Variants in CATSPERD observed in about 807,000 individuals in gnomAD.
The protein encoded by CATSPERD is catsper channel auxiliary subunit delta, also known as cation channel sperm-associated auxiliary subunit delta.
Under a neutral mutation model 98.1 loss-of-function variants are expected in CATSPERD, and 86 were observed. The ratio of observed to expected loss-of-function variants is 0.88; its 90% CI spans 0.74 to 1.05. The LOEUF (loss-of-function observed/expected upper bound fraction) is 1.05, where lower values mean the gene tolerates loss of function less well. Ranked by LOEUF, CATSPERD falls within the 50% of genes least tolerant of loss-of-function variation. CATSPERD has a pLI of 0.00. For missense variants in CATSPERD, 995 were observed against 1,005.7 expected (o/e 0.99, Z 0.14); for synonymous variants, 394 against 390.2 (o/e 1.01, Z -0.12).
At chr19:5,734,152 T>A (rs904193221) in intron 5 of CATSPERD, among the ~76,000 whole-genome samples, 182 bp downstream of exon 5, 3 of 152,170 alleles carry the variant, frequency 2.0e-5, no homozygotes, top group Non-Finnish European at 4.4e-5. Flanking sequence ...GAACCTAGTG[T>A]TCCCATCATG....
chr19:5,751,785 C>T lies in CATSPERD; in HGVS notation c.1126C>T (p.Leu376Phe). Residue 376 changes from leucine to phenylalanine, a missense_variant, in exon 12 of 22, where the codon CTT (leucine) becomes TTT (phenylalanine). Around this residue, in one of 3 missense-constraint regions of CATSPERD, gnomAD observed 762 missense variants for 773.7 expected, o/e 0.98. Transcript: ENST00000381624. ...GAAGTGCCTCGTGAATATCCAGGCG[C>T]TTCTCATGGACCCTGAACTCCACGT... The part of the protein sequence containing the change: ...FQKCLVNIQA[L>F]LMDPELHVGK... 6.2e-7 allele frequency: 1 copy of T among 1,613,614 alleles called. No individual in the cohort carries two copies. Among genetic ancestry groups the T allele is most frequent in the Non-Finnish European group, 8.5e-7 (1 of 1,179,826 alleles).
At chr19:5,722,278 C>G (rs114279637) in intron 1 of CATSPERD, among the ~76,000 whole-genome samples, 1 of 152,082 alleles carries the variant, frequency 6.6e-6, no homozygotes, top group Non-Finnish European at 1.5e-5. Context: ...CCTGCCACCA[C>G]GTGCAGCTAA....
In CATSPERD at chr19:5,727,303, G is replaced by C. The variant is rs200448036; in HGVS notation, c.162G>C (p.Leu54Phe). The change falls in exon 3 of 22, where the codon TTG (leucine) becomes TTC (phenylalanine). Residue 54 changes from leucine (L) to phenylalanine (F), a missense_variant. Leu to Phe is a conservative substitution (Grantham distance 22, BLOSUM62 0). Around this residue, in one of 3 missense-constraint regions of CATSPERD, gnomAD observed 228 missense variants for 209.6 expected, o/e 1.09. Coordinates refer to ENST00000381624, the MANE Select transcript of CATSPERD (RefSeq NM_152784.4). ...RLYFHPTTTR[L>F]IKHPCEKNIA... ...ATTTTCATCCTACAACAACACGCTT[G>C]ATTAAACATCCTTGCGAGAAAAATA... is the stretch of plus-strand genomic sequence containing the variant. The C allele has an allele frequency of 3.1e-6, 5 of 1,613,814 alleles. No homozygotes were observed. The African/African-American group carries it at 5.3e-5, about 17-fold the overall frequency.
At chr19:5,726,689 T>A (rs1213539452) in intron 2 of CATSPERD, among the ~76,000 whole-genome samples, 3 of 151,820 alleles carry the variant, frequency 2.0e-5, no homozygotes, top group African/African-American at 7.3e-5. Flanking sequence ...GCCCACCCTG[T>A]GAATTAAAAA....
intron 2 of CATSPERD, among the ~76,000 whole-genome samples, chr19:5,725,566 A>C (rs1343239354): frequency 1.3e-5 from 2 of 152,180 alleles, no homozygotes; most frequent in South Asian, 2.1e-4. Context: ...TGCATGAAGA[A>C]AAAATATTCT....
Position 5,753,910 on chromosome 19 carries a change from C to T in CATSPERD, c.1165-222C>T, listed in dbSNP as rs374463410. On this transcript the variant is annotated intron_variant, in intron 12 of 21. Transcript: ENST00000381624. ...AAGGAACAGAAAGAAGCAATTACTGCGCATGTCAGGGTTGGGGAATACTTC... is the reference window on the plus strand; with the variant it reads ...AAGGAACAGAAAGAAGCAATTACTGTGCATGTCAGGGTTGGGGAATACTTC... Among the ~76,000 whole-genome samples the T allele has an allele frequency of 6.6e-5, 10 of 151,924 alleles. No individual in the cohort carries two copies. The South Asian group carries it at 1.2e-3, about 19-fold the overall frequency.
At chr19:5,759,634 C>T (rs2056397241) in intron 15 of CATSPERD, among the ~76,000 whole-genome samples, 2 of 150,438 alleles carry the variant, frequency 1.3e-5, no homozygotes, top group African/African-American at 4.9e-5. Context: ...CCCAGCTACT[C>T]AGGGAGATAT....
At chr19:5,773,090 A>G in intron 20 of CATSPERD, 125 bp downstream of exon 20, 1 of 960,574 alleles carries the variant, frequency 1.0e-6, no homozygotes, top group South Asian at 1.7e-5. Flanking sequence ...GCGGTGGCTC[A>G]CGCCTGTAAT....
Position 5,778,733 on chromosome 19 carries a change from C to CA in CATSPERD, c.*58dup. 1 of 1,511,838 alleles carries CA rather than the reference C, an allele frequency of 6.6e-7. No individual in the cohort carries two copies. The highest frequency in any genetic ancestry group is 1.3e-5 in the South Asian group (1 of 79,594). 93.7% of individuals were successfully genotyped at this position (1,511,838 alleles called of 1,614,324 possible). On this transcript the variant is annotated 3_prime_UTR_variant, in exon 22 of 22. Coordinates refer to ENST00000381624, the MANE Select transcript of CATSPERD (RefSeq NM_152784.4). Reference sequence around the variant, plus strand: ...TCAAATAAAGTATAATGTAACATAGCAGGAAGCAGTATGTATTCACCATTT... The same window carrying CA: ...TCAAATAAAGTATAATGTAACATAGCAAGGAAGCAGTATGTATTCACCATTT...
intron 13 of CATSPERD, 43 bp from the exon 14 acceptor site, chr19:5,757,800 C>A: frequency 6.6e-7 from 1 of 1,525,932 alleles, no homozygotes; most frequent in Non-Finnish European, 9.0e-7. Flanking sequence ...CCCGTCCTGC[C>A]TGCTGGCTCC....
chr19:5,736,888 TCTA>T (rs2055857247), intron 5 of CATSPERD, among the ~76,000 whole-genome samples: 1 of 151,684 alleles, frequency 6.6e-6, no homozygotes, highest in Non-Finnish European at 1.5e-5. Flanking sequence ...AAACCCTGTC[TCTA>T]CTAAAAATAC....
At chr19:5,756,397 T>C (rs968109444) in intron 13 of CATSPERD, among the ~76,000 whole-genome samples, 1 of 152,174 alleles carries the variant, frequency 6.6e-6, no homozygotes, top group Non-Finnish European at 1.5e-5. Context: ...TGGAAACAGA[T>C]GGCAGTGATG....
Position 5,751,758 on chromosome 19 carries a change from C to T in CATSPERD, c.1099C>T (p.Gln367Ter). The change falls in exon 12 of 22, where the codon CAG (glutamine) becomes TAG (stop). Residue 367 changes from glutamine to a stop codon, truncating the protein, a stop_gained. Coordinates refer to ENST00000381624, the MANE Select transcript of CATSPERD (RefSeq NM_152784.4). LOFTEE classifies it high-confidence loss of function. ...CACAGCCTTTCCAGCTTTTGATTTC[C>T]AGAAGTGCCTCGTGAATATCCAGGC... ...RDTAFPAFDF[Q>*]KCLVNIQALL... is the part of the protein sequence containing the mutation. 6.2e-7 allele frequency: 1 copy of T among 1,613,782 alleles called. No individual in the cohort carries two copies. Among genetic ancestry groups the T allele is most frequent in the Middle Eastern group, 1.7e-4 (1 of 6,004 alleles).
chr19:5,762,617 GTGGATGGATGGATGGA>G (rs543017321), intron 15 of CATSPERD, among the ~76,000 whole-genome samples: 2 of 151,552 alleles, frequency 1.3e-5, no homozygotes, highest in African/African-American at 4.8e-5. Context: ...GGATGGGTGG[GTGGATGGATGGATGGA>G]TGGATGGATG....
chr19:5,738,531 G>A (rs1169123783), intron 6 of CATSPERD, among the ~76,000 whole-genome samples: 4 of 151,926 alleles, frequency 2.6e-5, no homozygotes, highest in African/African-American at 7.3e-5. Context: ...AACTTGTCTC[G>A]AAACAAAAAC....
At chr19:5,775,499 A>T (rs62107456) in intron 20 of CATSPERD, among the ~76,000 whole-genome samples, 1 of 138,898 alleles carries the variant, frequency 7.2e-6, no homozygotes, top group Admixed American at 7.1e-5. Flanking sequence ...AAAAAAAAAA[A>T]TTTGCTGGCC....
intron 1 of CATSPERD, 107 bp from the exon 2 acceptor site, chr19:5,724,701 C>T (rs369278119): frequency 2.0e-4 from 237 of 1,167,616 alleles, no homozygotes; most frequent in East Asian, 3.6e-4. Context: ...TCCGTCCCCC[C>T]CAAAAAAGAA....
At chr19:5,726,053 CCT>C (rs1382943987) in intron 2 of CATSPERD, among the ~76,000 whole-genome samples, 2 of 151,380 alleles carry the variant, frequency 1.3e-5, no homozygotes, top group African/African-American at 2.4e-5. Flanking sequence ...GAATAATTAC[CCT>C]GTTAATTTTT....
At chr19:5,771,823 C>T (rs916366189) in intron 19 of CATSPERD, among the ~76,000 whole-genome samples, 1 of 152,156 alleles carries the variant, frequency 6.6e-6, no homozygotes, top group Admixed American at 6.6e-5. Context: ...CCTGCCTCAG[C>T]TTTCCAGAGT....
Sources: gnomAD v4.1 joint callset for allele counts (sites outside exome capture counted in the v4.1 genomes callset) on GRCh38, gnomAD v4.1.1 for gene constraint, gnomAD v4.1.1 regional missense constraint, MANE v1.5 for transcripts, NCBI Gene and HGNC (gene_info 2026-07-23, HGNC 2026-07-21) for gene names.